CIP2A: variants seen among roughly 807,000 people sequenced by gnomAD.
The protein encoded by CIP2A is protein CIP2A.
In CIP2A, 103 loss-of-function variants were observed where a neutral mutation model predicts 110.9. The ratio of observed to expected loss-of-function variants is 0.93; its 90% CI spans 0.79 to 1.09. The LOEUF (loss-of-function observed/expected upper bound fraction) is 1.09, where lower values mean the gene tolerates loss of function less well. Ranked by LOEUF, CIP2A falls within the 50% of genes least tolerant of loss-of-function variation. The probability of loss-of-function intolerance (pLI) is 0.00; values close to 1 mark genes in which losing one functional copy is unlikely to be tolerated. For synonymous variants in CIP2A, 381 were observed against 361.6 expected (o/e 1.05, Z -0.61); for missense variants, 1,088 against 1,038.4 (o/e 1.05, Z -0.66).
intron 8 of CIP2A, among the ~76,000 whole-genome samples, chr3:108,575,437 T>C (rs1017190634): frequency 2.7e-5 from 4 of 147,604 alleles, no homozygotes; most frequent in Admixed American, 2.1e-4. Flanking sequence ...TACATACACA[T>C]ACATATATAC....
At chr3:108,561,518 A>G (rs1198994016) in intron 13 of CIP2A, among the ~76,000 whole-genome samples, 1 of 152,052 alleles carries the variant, frequency 6.6e-6, no homozygotes, top group African/African-American at 2.4e-5. Flanking sequence ...AAAATAAATT[A>G]ATTAAGCAGT....
At position 108,572,354 on chromosome 3, in the gene CIP2A, A is replaced by G. The variant is rs945714095; in HGVS notation, c.895-2747T>C. Among the ~76,000 whole-genome samples, 5 of 152,110 alleles carry G rather than the reference A, an allele frequency of 3.3e-5. No individual in the cohort carries two copies. In the East Asian group the frequency reaches 9.7e-4, roughly 29 times the overall value. On this transcript the variant is annotated intron_variant, in intron 8 of 20. Transcript: ENST00000295746. ...CACATTTAAATCTACAACCTGTCTT[A>G]TACTGATTTTTGCATTTGGTATGAG...
chr3:108,563,273 C>G (rs566518330), intron 12 of CIP2A, 29 bp from the exon 13 acceptor site: 2 of 1,318,124 alleles, frequency 1.5e-6, no homozygotes, highest in African/African-American at 1.5e-5. Context: ...AAAAAAGAAG[C>G]AGCAGAAAGA....
At chr3:108,563,620 A>C (rs1214759191) in intron 12 of CIP2A, among the ~76,000 whole-genome samples, 2 of 152,106 alleles carry the variant, frequency 1.3e-5, no homozygotes, top group African/African-American at 4.8e-5. Flanking sequence ...CTTCCAAATT[A>C]AGGCTATAAA....
chr3:108,571,662 T>C (rs922144734), intron 8 of CIP2A, among the ~76,000 whole-genome samples: 1 of 152,180 alleles, frequency 6.6e-6, no homozygotes, highest in Non-Finnish European at 1.5e-5. Flanking sequence ...GCTAGATGAC[T>C]TTCCCAAAAT....
rs1939000195 is a variant in CIP2A, at chr3:108,585,065, C to T, written c.250G>A (p.Ala84Thr). 1 of 1,607,262 alleles carries T rather than the reference C, an allele frequency of 6.2e-7. No individual in the cohort carries two copies. Among genetic ancestry groups the T allele is most frequent in the Admixed American group, 1.7e-5 (1 of 58,716 alleles). Reference sequence around the variant, plus strand: ...AAAAAGGAGAAATTAAATGCATTACCTAGTTGAGACAGCAAACCGATAATA... The same window carrying T: ...AAAAAGGAGAAATTAAATGCATTACTTAGTTGAGACAGCAAACCGATAATA... ...LSIIGLLSQLAVDIETRDCLQ... is the reference protein window; with the variant it reads ...LSIIGLLSQLTVDIETRDCLQ... Residue 84 changes from alanine to threonine, a missense_variant and splice_region_variant, in exon 2 of 21, where the codon GCA becomes ACA. Physicochemically the swap from Ala to Thr is moderately conservative, Grantham distance 58. Transcript: ENST00000295746.
rs1472190775 is a variant in CIP2A at position 108,566,478 on chromosome 3, T to A, written c.1415+19A>T. 1.9e-6 allele frequency: 3 copies of A among 1,577,980 alleles called. No individual in the cohort carries two copies. The highest frequency in any genetic ancestry group is 2.6e-6 in the Non-Finnish European group (3 of 1,165,848). Reference sequence around the variant, plus strand: ...TTTTTACTGCCTTGCCATTTTGTCATTAGAGTTTATATACTCACCATAATT... The same window carrying A: ...TTTTTACTGCCTTGCCATTTTGTCAATAGAGTTTATATACTCACCATAATT... On this transcript the variant is annotated intron_variant, in intron 11 of 20. Coordinates refer to ENST00000295746, the MANE Select transcript of CIP2A (RefSeq NM_020890.3).
intron 19 of CIP2A, among the ~76,000 whole-genome samples, chr3:108,552,964 C>T (rs1361335978): frequency 6.6e-6 from 1 of 151,984 alleles, no homozygotes; most frequent in African/African-American, 2.4e-5. Context: ...CTATTTGGTA[C>T]TATGCTTACT....
intron 20 of CIP2A, 143 bp downstream of exon 20, chr3:108,552,091 C>A: frequency 1.8e-6 from 1 of 570,918 alleles, no homozygotes; most frequent in East Asian, 3.4e-5. Flanking sequence ...AACCTCATAA[C>A]AAATGATACT....
chr3:108,589,395 C>T lies in CIP2A; in HGVS notation c.-20G>A. Reference sequence around the variant, plus strand: ...GTCCATTGCACCGGCCGCGGCCCGGCTTAGGGACCACCACCGCCCAGCGTG... The same window carrying T: ...GTCCATTGCACCGGCCGCGGCCCGGTTTAGGGACCACCACCGCCCAGCGTG... On this transcript the variant is annotated 5_prime_UTR_variant, in exon 1 of 21. Transcript: ENST00000295746. 1 of 1,580,582 alleles carries T rather than the reference C, an allele frequency of 6.3e-7. No homozygotes were observed. Among genetic ancestry groups the T allele is most frequent in the Non-Finnish European group, 8.7e-7 (1 of 1,153,404 alleles).
intron 8 of CIP2A, among the ~76,000 whole-genome samples, chr3:108,573,684 T>C (rs1343702083): frequency 6.6e-6 from 1 of 152,072 alleles, no homozygotes; most frequent in African/African-American, 2.4e-5. Flanking sequence ...TAATTAGAAA[T>C]AGTTCTCATA....
Position 108,551,267 on chromosome 3 carries a change from T to C in CIP2A, c.2600A>G (p.Lys867Arg), listed in dbSNP as rs1222953521. The C allele has an allele frequency of 6.2e-7, 1 of 1,612,526 alleles. No homozygotes were observed. The highest frequency in any genetic ancestry group is 1.7e-5 in the Admixed American group (1 of 59,936). The part of the protein sequence containing the change: ...KAQLEGRLEE[K>R]ESLVKLQQEE... ...TTGCTGAAGTTTCACCAAGGACTCT[T>C]TCTCTTCCAAACGACCTTCTAATTG... Residue 867 changes from lysine to arginine, a missense_variant, in exon 21 of 21, where the codon AAA becomes AGA. By Grantham distance (26) the Lys-to-Arg change is conservative. Transcript: ENST00000295746.
At chr3:108,556,267 T>C (rs1937798766) in intron 17 of CIP2A, among the ~76,000 whole-genome samples, 1 of 152,216 alleles carries the variant, frequency 6.6e-6, no homozygotes, top group African/African-American at 2.4e-5. Context: ...TATATCTCTG[T>C]ATTAACAACA....
chr3:108,558,058 A>G (rs769588386), intron 16 of CIP2A, among the ~76,000 whole-genome samples: 7 of 152,158 alleles, frequency 4.6e-5, no homozygotes, highest in Non-Finnish European at 8.8e-5. Context: ...TATTTTTATA[A>G]GAACTTTTCC....
At chr3:108,552,686 T>C (rs1002134162) in intron 19 of CIP2A, among the ~76,000 whole-genome samples, 5 of 152,174 alleles carry the variant, frequency 3.3e-5, no homozygotes, top group Admixed American at 2.0e-4. Context: ...AAAATGTTTT[T>C]CAGGATCATT....
At chr3:108,576,386 A>G (rs1938652745) in intron 7 of CIP2A, 40 bp from the exon 8 acceptor site, 1 of 1,036,566 alleles carries the variant, frequency 9.6e-7, no homozygotes, top group Non-Finnish European at 1.4e-6. Flanking sequence ...TGATAAATAT[A>G]AAATTGATAC....
chr3:108,558,287 A>G (rs1937881638), intron 16 of CIP2A, among the ~76,000 whole-genome samples: 1 of 152,136 alleles, frequency 6.6e-6, no homozygotes, highest in South Asian at 2.1e-4. Flanking sequence ...AAAGAATACC[A>G]TTATTCTGAA....
intron 4 of CIP2A, 117 bp from the exon 5 acceptor site, chr3:108,581,628 A>G (rs1938883326): frequency 1.6e-6 from 1 of 621,466 alleles, no homozygotes; most frequent in Admixed American, 2.9e-5. Context: ...TCCCTTTTAC[A>G]CGCAAAAAAA....
Position 108,568,202 on chromosome 3 carries a change from G to T in CIP2A, c.1226C>A (p.Thr409Lys). Residue 409 changes from threonine to lysine, a missense_variant, in exon 10 of 21, where the codon ACA becomes AAA. Physicochemically the swap from Thr to Lys is moderately conservative, Grantham distance 78. Coordinates refer to ENST00000295746, the MANE Select transcript of CIP2A (RefSeq NM_020890.3). ...GGCAATCCTTTCACATTTTTTTCTTGTTAAAGCCTCATCTAGATTTTGTTC... is the reference window on the plus strand; with the variant it reads ...GGCAATCCTTTCACATTTTTTTCTTTTTAAAGCCTCATCTAGATTTTGTTC... The part of the protein sequence containing the change: ...FTEQNLDEAL[T>K]RKKCERIAKA... 2 of 1,611,884 alleles carry T rather than the reference G, an allele frequency of 1.2e-6. No individual in the cohort carries two copies. The highest frequency in any genetic ancestry group is 1.7e-6 in the Non-Finnish European group (2 of 1,178,610).
Sources: allele counts gnomAD v4.1 joint callset (sites outside exome capture counted in the v4.1 genomes callset), GRCh38; gene constraint gnomAD v4.1.1; transcripts MANE v1.5; gene names NCBI Gene and HGNC (gene_info 2026-07-23, HGNC 2026-07-21).